RNF5: variants seen among roughly 807,000 people sequenced by gnomAD.
The protein encoded by RNF5 is E3 ubiquitin-protein ligase RNF5.
Under a neutral mutation model 24.4 loss-of-function variants are expected in RNF5, and 16 were observed. That is an observed-to-expected ratio of 0.66 (90% CI 0.44 to 1.00). RNF5 has a LOEUF of 1.00. RNF5 is among the 50% of genes least tolerant of loss of function. RNF5 has a pLI of 0.00. For missense variants in RNF5, 185 were observed against 236.7 expected, an observed-to-expected ratio of 0.78 and a Z score of 1.43; for synonymous variants, 64 against 88.5, an observed-to-expected ratio of 0.72 and a Z score of 1.55.
At chr6:32,180,201 G>A (rs1399972518) in intron 5 of RNF5, 28 bp from the exon 6 acceptor site, 1 of 1,611,388 alleles carries the variant, frequency 6.2e-7, no homozygotes, top group African/African-American at 1.3e-5. Flanking sequence ...AGGAGCATAT[G>A]CTTCCACAGC....
Position 32,179,514 on chromosome 6 carries a change from C to T in RNF5, c.141-27C>T. 1 of 1,395,780 alleles carries T rather than the reference C, an allele frequency of 7.2e-7. No individual in the cohort carries two copies. The highest frequency in any genetic ancestry group is 1.4e-5 in the African/African-American group (1 of 69,054). 86.5% of individuals were successfully genotyped at this position (1,395,780 alleles called of 1,614,324 possible). A position where few individuals can be genotyped will look rare whatever the true frequency, so the allele number is the denominator to read the frequency against. ...CTCTCTTTTCTGTAGCTAGTTTGAC[C>T]TTTTTTTTTTTTTCTCCCCCATCCA... On this transcript the variant is annotated intron_variant, in intron 1 of 5. Coordinates refer to ENST00000375094, the MANE Select transcript of RNF5 (RefSeq NM_006913.4). This position sits in a 1 kb window ranked among gnomAD's most constrained non-coding sequence, Gnocchi z 5.4.
Position 32,178,462 on chromosome 6 carries a change from A to T in RNF5, c.-50A>T, listed in dbSNP as rs762923211. ...GTTTCTGGTTTGTTGGGGCGTGTGTATGTGTATTTGGGGGGACTGAAGGGT... is the reference window on the plus strand; with the variant it reads ...GTTTCTGGTTTGTTGGGGCGTGTGTTTGTGTATTTGGGGGGACTGAAGGGT... On this transcript the variant is annotated 5_prime_UTR_variant, in exon 1 of 6. The change abolishes an upstream ATG in the 5' untranslated region. Transcript: ENST00000375094. The T allele has an allele frequency of 6.8e-7, 1 of 1,464,468 alleles. No individual in the cohort carries two copies. The highest frequency in any genetic ancestry group is 9.1e-7 in the Non-Finnish European group (1 of 1,093,508). 90.7% of individuals were successfully genotyped at this position (1,464,468 alleles called of 1,614,324 possible).
chr6:32,180,454 T>C lies in RNF5; in HGVS notation c.*128T>C. On this transcript the variant is annotated 3_prime_UTR_variant, in exon 6 of 6. Transcript: ENST00000375094. ...GTTGGCTAAGGCCAGCCCTGGACAT[T>C]GTCCAGGAAGGCCTGGGGAGGAGGA... The C allele has an allele frequency of 1.2e-6, 1 of 838,058 alleles. No homozygotes were observed. Among genetic ancestry groups the C allele is most frequent in the Admixed American group, 2.0e-5 (1 of 48,870 alleles). The allele number at this position is 838,058 out of a possible 1,614,324, so 51.9% of individuals were successfully genotyped here.
Position 32,178,618 on chromosome 6 carries a change from A to C in RNF5, c.107A>C (p.Glu36Ala). 6.2e-7 allele frequency: 1 copy of C among 1,611,714 alleles called. No homozygotes were observed. Among genetic ancestry groups the C allele is most frequent in the Non-Finnish European group, 8.5e-7 (1 of 1,179,920 alleles). Reference sequence around the variant, plus strand: ...AATATATGTTTGGAGACTGCTCGGGAAGCTGTGGTCAGTGTGTGTGGCCAC... The same window carrying C: ...AATATATGTTTGGAGACTGCTCGGGCAGCTGTGGTCAGTGTGTGTGGCCAC... ...ECNICLETAREAVVSVCGHLY... is the reference protein window; with the variant it reads ...ECNICLETARAAVVSVCGHLY... Residue 36 changes from glutamate to alanine, a missense_variant, in exon 1 of 6, where the codon GAA becomes GCA. Coordinates refer to ENST00000375094, the MANE Select transcript of RNF5 (RefSeq NM_006913.4).
chr6:32,178,947 AG>A (rs1785838140), intron 1 of RNF5, among the ~76,000 whole-genome samples: 1 of 152,026 alleles, frequency 6.6e-6, no homozygotes, highest in African/African-American at 2.4e-5. Context: ...CAGAGAAGTG[AG>A]GGGTCTTAGC....
In RNF5 at chr6:32,180,263, C is replaced by A; in HGVS notation, c.480C>A (p.Ser160Arg). The change falls in exon 6 of 6, where the codon AGC becomes AGA. Residue 160 changes from serine to arginine, a missense_variant. Ser to Arg is a moderately radical substitution (Grantham distance 110). Coordinates refer to ENST00000375094, the MANE Select transcript of RNF5 (RefSeq NM_006913.4). Reference protein sequence around the residue: ...VDLGQGHPASSWQDSLFLFLA... With the variant: ...VDLGQGHPASRWQDSLFLFLA... Reference sequence around the variant, plus strand: ...TGGGACAGGGTCACCCAGCCTCCAGCTGGCAGGATTCCCTCTTCCTGTTTC... The same window carrying A: ...TGGGACAGGGTCACCCAGCCTCCAGATGGCAGGATTCCCTCTTCCTGTTTC... 6.2e-7 allele frequency: 1 copy of A among 1,612,268 alleles called. No individual in the cohort carries two copies. Among genetic ancestry groups the A allele is most frequent in the Non-Finnish European group, 8.5e-7 (1 of 1,179,922 alleles).
Position 32,178,423 on chromosome 6 carries a change from G to A in RNF5, c.-89G>A, listed in dbSNP as rs1310794648. 37 of 1,105,898 alleles carry A rather than the reference G, an allele frequency of 3.3e-5. No homozygotes were observed. The highest frequency in any genetic ancestry group is 3.5e-5 in the Non-Finnish European group (28 of 790,576). 68.5% of individuals were successfully genotyped at this position (1,105,898 alleles called of 1,614,324 possible). A position where few individuals can be genotyped will look rare whatever the true frequency, so the allele number is the denominator to read the frequency against. ...AAACCTTGAAGCCTGCCCAACGATC[G>A]TGGGCAGGAGGTGGTTTCTGGTTTG... On this transcript the variant is annotated 5_prime_UTR_variant, in exon 1 of 6. In the 5' UTR this introduces an upstream ATG that the reference lacks. Transcript: ENST00000375094.
In RNF5 at chr6:32,178,522, C is replaced by T; in HGVS notation, c.11C>T (p.Ala4Val). The change falls in exon 1 of 6, where the codon GCG (alanine) becomes GTG (valine). Residue 4 changes from alanine to valine, a missense_variant. Transcript: ENST00000375094. Reference sequence around the variant, plus strand: ...GAAACAAAACCGGCCATGGCAGCAGCGGAGGAGGAGGACGGGGGCCCCGAA... The same window carrying T: ...GAAACAAAACCGGCCATGGCAGCAGTGGAGGAGGAGGACGGGGGCCCCGAA... MAAAEEEDGGPEGP... is the reference protein window; with the variant it reads MAAVEEEDGGPEGP... The T allele has an allele frequency of 1.9e-6, 3 of 1,602,434 alleles. No homozygotes were observed. Among genetic ancestry groups the T allele is most frequent in the East Asian group, 2.2e-5 (1 of 44,776 alleles).
In RNF5 at chr6:32,180,109, C is replaced by T. The variant is rs766250969; in HGVS notation, c.428C>T (p.Pro143Leu). 1 of 1,614,042 alleles carries T rather than the reference C, an allele frequency of 6.2e-7. No individual in the cohort carries two copies. ...FFTTVFNAHE[P>L]FRRGTGVDLG... Reference sequence around the variant, plus strand: ...ACCACCGTCTTCAATGCCCATGAGCCTTTCCGCCGGGGTACAGGTAAGAGT... The same window carrying T: ...ACCACCGTCTTCAATGCCCATGAGCTTTTCCGCCGGGGTACAGGTAAGAGT... Residue 143 changes from proline to leucine, a missense_variant, in exon 5 of 6, where the codon CCT becomes CTT. Physicochemically the swap from Pro to Leu is moderately conservative, Grantham distance 98 (BLOSUM62 -3). Transcript: ENST00000375094.
rs1173354395 is a variant in RNF5, at chr6:32,180,340, C to T, written c.*14C>T. The T allele has an allele frequency of 1.9e-6, 3 of 1,595,638 alleles. No homozygotes were observed. Among genetic ancestry groups the T allele is most frequent in the African/African-American group, 1.3e-5 (1 of 74,772 alleles). ...CTCAGTATTTGAGCTATGTCTGCTT[C>T]CTGCCCACCTCCAGCCAGAGAAGAA... On this transcript the variant is annotated 3_prime_UTR_variant, in exon 6 of 6. Coordinates refer to ENST00000375094, the MANE Select transcript of RNF5 (RefSeq NM_006913.4).
At chr6:32,178,806 G>T (rs1397708880) in intron 1 of RNF5, among the ~76,000 whole-genome samples, 155 bp downstream of exon 1, 1 of 152,158 alleles carries the variant, frequency 6.6e-6, no homozygotes. Context: ...GTATGTGTGG[G>T]TGGGAGTATA....
In RNF5 at chr6:32,178,647, T is replaced by C. The variant is rs774393683; in HGVS notation, c.136T>C (p.Tyr46His). ...TGTGGTCAGTGTGTGTGGCCACCTG[T>C]ACTGGTGAGAATCGAGGAGGGGGGC... ...EAVVSVCGHLYCWPCLHQWLE... is the reference protein window; with the variant it reads ...EAVVSVCGHLHCWPCLHQWLE... Residue 46 changes from tyrosine to histidine, a missense_variant, in exon 1 of 6, where the codon TAC becomes CAC. Physicochemically the swap from Tyr to His is moderately conservative, Grantham distance 83 (BLOSUM62 2). Coordinates refer to ENST00000375094, the MANE Select transcript of RNF5 (RefSeq NM_006913.4). The C allele has an allele frequency of 2.7e-5, 44 of 1,610,478 alleles. No homozygotes were observed. The highest frequency in any genetic ancestry group is 3.6e-5 in the Non-Finnish European group (42 of 1,179,760).
In RNF5 at chr6:32,179,648, C is replaced by T. The variant is rs1270532439; in HGVS notation, c.160-3C>T. ...TACTGGAAACCACCTTTTTTCTCCC[C>T]AGTGGCTGGAGACACGGCCAGAACG... is the stretch of plus-strand genomic sequence containing the variant. On this transcript the variant is annotated splice_polypyrimidine_tract_variant and splice_region_variant and intron_variant, in intron 2 of 5. Coordinates refer to ENST00000375094, the MANE Select transcript of RNF5 (RefSeq NM_006913.4). This position sits in a 1 kb window ranked among gnomAD's most constrained non-coding sequence, Gnocchi z 5.4. The T allele has an allele frequency of 4.3e-6, 7 of 1,613,788 alleles. No homozygotes were observed. The highest frequency in any genetic ancestry group is 5.9e-6 in the Non-Finnish European group (7 of 1,179,940).
Position 32,180,536 on chromosome 6 carries a change from T to G in RNF5, c.*210T>G. On this transcript the variant is annotated 3_prime_UTR_variant, in exon 6 of 6. Coordinates refer to ENST00000375094, the MANE Select transcript of RNF5 (RefSeq NM_006913.4). The stretch of plus-strand genomic sequence containing the variant: ...TGCTCAGAGGCTCACTCAGTAACGT[T>G]GTTTAATTCTCTGCCCTGGGGAAGG... 1.7e-6 allele frequency: 1 copy of G among 575,602 alleles called. No homozygotes were observed. Among genetic ancestry groups the G allele is most frequent in the Non-Finnish European group, 3.1e-6 (1 of 324,338 alleles). 35.7% of individuals were successfully genotyped at this position (575,602 alleles called of 1,614,324 possible).
Position 32,178,429 on chromosome 6 carries a change from A to T in RNF5, c.-83A>T. ...TGAAGCCTGCCCAACGATCGTGGGC[A>T]GGAGGTGGTTTCTGGTTTGTTGGGG... On this transcript the variant is annotated 5_prime_UTR_variant, in exon 1 of 6. Transcript: ENST00000375094. 1.7e-6 allele frequency: 2 copies of T among 1,147,650 alleles called. No homozygotes were observed. The highest frequency in any genetic ancestry group is 3.2e-5 in the South Asian group (2 of 62,974). The allele number at this position is 1,147,650 out of a possible 1,614,324, so 71.1% of individuals were successfully genotyped here.
chr6:32,178,688 T>TAGGAG, intron 1 of RNF5, 37 bp downstream of exon 1: 1 of 1,599,378 alleles, frequency 6.3e-7, no homozygotes, highest in Non-Finnish European at 8.5e-7. Flanking sequence ...GTGGTGGGTC[T>TAGGAG]CGCTTATATA....
In RNF5 at chr6:32,179,663, C is replaced by G; in HGVS notation, c.172C>G (p.Arg58Gly). The change falls in exon 3 of 6, where the codon CGG becomes GGG. Residue 58 changes from arginine (R) to glycine (G), a missense_variant. Coordinates refer to ENST00000375094, the MANE Select transcript of RNF5 (RefSeq NM_006913.4). This position sits in a 1 kb window ranked among gnomAD's most constrained non-coding sequence, Gnocchi z 5.4. The stretch of plus-strand genomic sequence containing the variant: ...TTTTTCTCCCCAGTGGCTGGAGACA[C>G]GGCCAGAACGGCAAGAGTGTCCAGT... ...WPCLHQWLET[R>G]PERQECPVCK... The G allele has an allele frequency of 6.2e-7, 1 of 1,614,072 alleles. No homozygotes were observed. Among genetic ancestry groups the G allele is most frequent in the Non-Finnish European group, 8.5e-7 (1 of 1,180,018 alleles).
rs554113438 is a variant in RNF5 at position 32,178,667 on chromosome 6, G to T, written c.140+16G>T. 1.2e-6 allele frequency: 2 copies of T among 1,608,106 alleles called. No individual in the cohort carries two copies. Among genetic ancestry groups the T allele is most frequent in the Admixed American group, 1.7e-5 (1 of 59,930 alleles). ...ACCTGTACTGGTGAGAATCGAGGAG[G>T]GGGGCGGGAGGTGGTGGGTCTCGCT... On this transcript the variant is annotated intron_variant, in intron 1 of 5. Coordinates refer to ENST00000375094, the MANE Select transcript of RNF5 (RefSeq NM_006913.4).
At position 32,178,901 on chromosome 6, in the gene RNF5, G is replaced by A. The variant is rs11970384; in HGVS notation, c.140+250G>A. 1.1e-3 allele frequency among the ~76,000 whole-genome samples: 170 copies of A among 152,252 alleles called. 1 individual carries two copies. The highest frequency in any genetic ancestry group is 3.8e-3 in the African/African-American group (159 of 41,528). On this transcript the variant is annotated intron_variant, in intron 1 of 5. Coordinates refer to ENST00000375094, the MANE Select transcript of RNF5 (RefSeq NM_006913.4). ...CTGAGAAGAGAAGGTGGGGCGGGGA[G>A]TGGCAGGACAATGTGAGACCCGAGC...
Sources: allele counts gnomAD v4.1 joint callset (sites outside exome capture counted in the v4.1 genomes callset), GRCh38; gene constraint gnomAD v4.1.1; non-coding constraint Gnocchi (gnomAD v3.1); transcripts MANE v1.5; gene names NCBI Gene and HGNC (gene_info 2026-07-23, HGNC 2026-07-21).